Variants in SOBP observed in about 807,000 individuals in gnomAD.
SOBP encodes sine oculis-binding protein homolog.
Under a neutral mutation model 53.6 loss-of-function variants are expected in SOBP, and 4 were observed. The ratio of observed to expected loss-of-function variants is 0.07; its 90% CI spans 0.04 to 0.17. SOBP has a LOEUF of 0.17. Among genes scored for constraint, SOBP ranks in the 10% least tolerant of loss-of-function variants. The pLI is 1.00. For missense variants in SOBP, 1,088 were observed against 1,204.7 expected (o/e 0.90, Z 1.43); for synonymous variants, 584 against 522.6 (o/e 1.12, Z -1.60).
At chr6:107,608,710 A>G (rs951101357) in intron 5 of SOBP, among the ~76,000 whole-genome samples, 3 of 152,244 alleles carry the variant, frequency 2.0e-5, no homozygotes, top group African/African-American at 7.2e-5. Flanking sequence ...ACTACGTGCA[A>G]GGTCCTCACG....
At chr6:107,602,589 G>GAAAAAAAAAAAAAA (rs1786224448) in intron 5 of SOBP, among the ~76,000 whole-genome samples, 1 of 97,836 alleles carries the variant, frequency 1.0e-5, no homozygotes, top group African/African-American at 4.7e-5. Flanking sequence ...AAAAAAAAAG[G>GAAAAAAAAAAAAAA]AAAGGGAAAG....
intron 5 of SOBP, among the ~76,000 whole-genome samples, chr6:107,612,859 G>T (rs1786650578): frequency 6.6e-6 from 1 of 152,078 alleles, no homozygotes; most frequent in Non-Finnish European, 1.5e-5. Context: ...TTTTTAGTCT[G>T]GTTTATTTTG....
At chr6:107,615,712 G>T (rs1040326447) in intron 5 of SOBP, among the ~76,000 whole-genome samples, 15 of 152,236 alleles carry the variant, frequency 9.9e-5, no homozygotes, top group African/African-American at 3.1e-4. Context: ...ATTTCTGCTT[G>T]TTAGTTCTGC....
At chr6:107,552,692 T>G (rs550246505) in intron 4 of SOBP, among the ~76,000 whole-genome samples, 4 of 152,320 alleles carry the variant, frequency 2.6e-5, no homozygotes, top group African/African-American at 9.6e-5. Flanking sequence ...TCACAAGGAT[T>G]GGCCAACATC....
chr6:107,635,494 T>A lies in SOBP; in HGVS notation c.*3+25T>A. 1 of 1,610,966 alleles carries A rather than the reference T, an allele frequency of 6.2e-7. No homozygotes were observed. Among genetic ancestry groups the A allele is most frequent in the Non-Finnish European group, 8.5e-7 (1 of 1,179,954 alleles). On this transcript the variant is annotated intron_variant, in intron 6 of 6. Coordinates refer to ENST00000317357, the MANE Select transcript of SOBP (RefSeq NM_018013.4). This position sits in a 1 kb window ranked among gnomAD's most constrained non-coding sequence, Gnocchi z 4.5. ...GGTTTGTATGTCCGCCGGGCGCTCC[T>A]CCACACCAGCCAGTGCACCTCTCCT...
chr6:107,526,386 A>T (rs182738427), intron 3 of SOBP, among the ~76,000 whole-genome samples: 1 of 152,246 alleles, frequency 6.6e-6, no homozygotes, highest in East Asian at 1.9e-4. Flanking sequence ...TGTCTAATCT[A>T]CTTTTCCCTT....
At chr6:107,571,998 A>G (rs1040295165) in intron 4 of SOBP, among the ~76,000 whole-genome samples, 9 of 152,246 alleles carry the variant, frequency 5.9e-5, no homozygotes, top group Admixed American at 2.0e-4. Flanking sequence ...ATTTTACTGT[A>G]AGATGAAATA....
intron 4 of SOBP, among the ~76,000 whole-genome samples, chr6:107,567,648 T>C (rs988356455): frequency 6.6e-6 from 1 of 152,148 alleles, no homozygotes; most frequent in Non-Finnish European, 1.5e-5. Flanking sequence ...TAAAATGAAA[T>C]CCACTTCCAG....
chr6:107,641,271 T>A (rs981583786), intron 6 of SOBP, among the ~76,000 whole-genome samples: 1 of 152,232 alleles, frequency 6.6e-6, no homozygotes, highest in Non-Finnish European at 1.5e-5. Context: ...CTTGCCTCAA[T>A]AAGATTGCCT....
chr6:107,592,729 C>T (rs1263149530), intron 5 of SOBP, among the ~76,000 whole-genome samples: 1 of 152,134 alleles, frequency 6.6e-6, no homozygotes, highest in African/African-American at 2.4e-5. Flanking sequence ...TGTAAAATAA[C>T]CAGAAAATCC....
intron 4 of SOBP, among the ~76,000 whole-genome samples, chr6:107,535,351 A>C (rs1783962635): frequency 6.6e-6 from 1 of 152,206 alleles, no homozygotes. Flanking sequence ...ACTGGGAGCG[A>C]GGATAGGAAT....
intron 4 of SOBP, among the ~76,000 whole-genome samples, chr6:107,584,420 TGTGA>T (rs1368964200): frequency 6.6e-6 from 1 of 152,198 alleles, no homozygotes; most frequent in East Asian, 1.9e-4. Flanking sequence ...GAGAAGTGTG[TGTGA>T]GTTATTTGTG....
intron 5 of SOBP, among the ~76,000 whole-genome samples, chr6:107,611,959 C>T (rs192165285): frequency 6.6e-6 from 1 of 152,304 alleles, no homozygotes; most frequent in Admixed American, 6.5e-5. Context: ...TGCATTACAT[C>T]CTCTATACCT....
intron 3 of SOBP, among the ~76,000 whole-genome samples, chr6:107,515,381 A>G (rs1783287401): frequency 6.6e-6 from 1 of 152,362 alleles, no homozygotes; most frequent in East Asian, 1.9e-4. Context: ...TCAGCATAAC[A>G]TTGATCACAT....
chr6:107,499,889 A>G (rs1187438990), intron 1 of SOBP, among the ~76,000 whole-genome samples: 2 of 152,122 alleles, frequency 1.3e-5, no homozygotes, highest in East Asian at 1.9e-4. Flanking sequence ...CATTTTAACT[A>G]CTATTACCTT....
At position 107,490,547 on chromosome 6, in the gene SOBP, C is replaced by T; in HGVS notation, c.-70C>T. The T allele has an allele frequency of 1.7e-6, 2 of 1,195,234 alleles. No homozygotes were observed. Among genetic ancestry groups the T allele is most frequent in the Admixed American group, 2.0e-5 (1 of 50,016 alleles). 74.0% of individuals were successfully genotyped at this position (1,195,234 alleles called of 1,614,324 possible). On this transcript the variant is annotated 5_prime_UTR_variant, in exon 1 of 7. Transcript: ENST00000317357. The stretch of plus-strand genomic sequence containing the variant: ...CCATCAGCACCACCTCCACCGCCGC[C>T]GCCGCCGCCACCACCACCGCCGGCG...
At chr6:107,544,509 C>G (rs1483089982) in intron 4 of SOBP, among the ~76,000 whole-genome samples, 1 of 152,154 alleles carries the variant, frequency 6.6e-6, no homozygotes, top group East Asian at 1.9e-4. Context: ...GGCACAGTCC[C>G]ATGAGAACCT....
chr6:107,598,040 T>G (rs576183173), intron 5 of SOBP, among the ~76,000 whole-genome samples: 7 of 151,896 alleles, frequency 4.6e-5, no homozygotes, highest in South Asian at 2.1e-4. Flanking sequence ...TCAATCGACA[T>G]GCATTTATTA....
chr6:107,640,396 T>G (rs1369812897), intron 6 of SOBP, among the ~76,000 whole-genome samples: 1 of 152,170 alleles, frequency 6.6e-6, no homozygotes, highest in Non-Finnish European at 1.5e-5. Context: ...TTGGGAATAT[T>G]AATTGGTGAC....
Sources: allele counts gnomAD v4.1 joint callset (sites outside exome capture counted in the v4.1 genomes callset), GRCh38; gene constraint gnomAD v4.1.1; non-coding constraint Gnocchi (gnomAD v3.1); transcripts MANE v1.5; gene names NCBI Gene and HGNC (gene_info 2026-07-23, HGNC 2026-07-21).